The following GCM1 variants were observed in gnomAD, a reference collection of about 807,000 sequenced individuals.
GCM1 encodes the protein chorion-specific transcription factor GCMa.
GCM1 carries 2 observed loss-of-function variants against 25.7 expected under a neutral mutation model. The ratio of observed to expected loss-of-function variants is 0.08; its 90% CI spans 0.03 to 0.24. The LOEUF is 0.24. GCM1 is among the 10% of genes least tolerant of loss of function. The pLI is 1.00. For synonymous variants in GCM1, 183 were observed against 195.7 expected (o/e 0.94, Z 0.54); for missense variants, 395 against 538.7 (o/e 0.73, Z 2.64).
In GCM1 at chr6:53,127,079, A is replaced by G. The variant is rs567579921; in HGVS notation, c.*1127T>C. On this transcript the variant is annotated 3_prime_UTR_variant, in exon 6 of 6. Transcript: ENST00000259803. Reference sequence around the variant, plus strand: ...ACTGGCATTCAAACATGGCCGGCCAATCATTGCCAGGCTAATTGCACAAGA... The same window carrying G: ...ACTGGCATTCAAACATGGCCGGCCAGTCATTGCCAGGCTAATTGCACAAGA... The G allele has an allele frequency of 6.6e-6, 1 of 152,332 alleles. No homozygotes were observed. The highest frequency in any genetic ancestry group is 1.9e-4 in the East Asian group (1 of 5,188). 9.4% of individuals were successfully genotyped at this position (152,332 alleles called of 1,614,324 possible). A position where few individuals can be genotyped will look rare whatever the true frequency, so the allele number is the denominator to read the frequency against.
intron 5 of GCM1, among the ~76,000 whole-genome samples, chr6:53,129,966 C>A (rs1025062015): frequency 1.3e-5 from 2 of 152,090 alleles, no homozygotes; most frequent in African/African-American, 4.8e-5. Flanking sequence ...TAAGGGGATA[C>A]TTTTAGGGGG....
chr6:53,133,918 C>T lies in GCM1; in HGVS notation c.328+154G>A, dbSNP rs534805144. The stretch of plus-strand genomic sequence containing the variant: ...GGAGCACAAGGGATCTGGTTGGTTC[C>T]GCTCCATATGCTCCATGTCAGAACA... On this transcript the variant is annotated intron_variant, in intron 3 of 5. Coordinates refer to ENST00000259803, the MANE Select transcript of GCM1 (RefSeq NM_003643.4). Among the ~76,000 whole-genome samples the T allele has an allele frequency of 2.8e-4, 42 of 152,232 alleles. No homozygotes were observed. The South Asian group carries it at 4.8e-3, about 17-fold the overall frequency.
At chr6:53,129,327 C>A (rs966504300) in intron 5 of GCM1, among the ~76,000 whole-genome samples, 1 of 149,766 alleles carries the variant, frequency 6.7e-6, no homozygotes, top group Admixed American at 6.7e-5. Context: ...CAGGCTGGAG[C>A]GCAGTGGCAC....
intron 1 of GCM1, among the ~76,000 whole-genome samples, chr6:53,146,194 T>TTATATATATA (rs201484737): frequency 3.1e-4 from 31 of 100,928 alleles, no homozygotes; most frequent in African/African-American, 1.0e-3. Context: ...CATATATGTT[T>TTATATATATA]TATATATATA....
At chr6:53,148,178 G>C (rs1763992297) in intron 1 of GCM1, among the ~76,000 whole-genome samples, 1 of 152,154 alleles carries the variant, frequency 6.6e-6, no homozygotes, top group Non-Finnish European at 1.5e-5. Flanking sequence ...TTAAATAACA[G>C]GTATAGAAGA....
intron 2 of GCM1, among the ~76,000 whole-genome samples, chr6:53,134,925 TG>T (rs1217258149): frequency 1.3e-5 from 2 of 152,100 alleles, no homozygotes; most frequent in Non-Finnish European, 2.9e-5. Context: ...AGATAAGCAG[TG>T]GGAGGGATGA....
intron 5 of GCM1, 127 bp from the exon 6 acceptor site, chr6:53,129,073 T>C (rs538617127): frequency 2.8e-6 from 2 of 715,208 alleles, no homozygotes; most frequent in East Asian, 2.5e-5. Context: ...TACACATTAA[T>C]ACTTGACGCA....
chr6:53,129,223 G>A (rs1490786010), intron 5 of GCM1, among the ~76,000 whole-genome samples: 1 of 151,398 alleles, frequency 6.6e-6, no homozygotes, highest in Non-Finnish European at 1.5e-5. Flanking sequence ...TGTTTAAGAT[G>A]TTTCACACTC....
intron 2 of GCM1, among the ~76,000 whole-genome samples, chr6:53,136,001 G>A (rs1763793087): frequency 6.6e-6 from 1 of 152,226 alleles, no homozygotes; most frequent in Non-Finnish European, 1.5e-5. Flanking sequence ...GTGCTGTGAA[G>A]AGCAGATGTG....
Position 53,145,664 on chromosome 6 carries a change from A to G in GCM1, c.-32T>C, listed in dbSNP as rs1273015486. 8.1e-7 allele frequency: 1 copy of G among 1,230,978 alleles called. No homozygotes were observed. The highest frequency in any genetic ancestry group is 1.2e-6 in the Non-Finnish European group (1 of 832,982). The allele number at this position is 1,230,978 out of a possible 1,614,324, so 76.3% of individuals were successfully genotyped here. A position where few individuals can be genotyped will look rare whatever the true frequency, so the allele number is the denominator to read the frequency against. ...GTCAGGCCAGCCAAGGTTTTCACCT[A>G]TTCGACTCCCCTCAGAAATGCTTGA... On this transcript the variant is annotated 5_prime_UTR_variant, in exon 2 of 6. Transcript: ENST00000259803.
At position 53,128,479 on chromosome 6, in the gene GCM1, A is replaced by C; in HGVS notation, c.1038T>G (p.Pro346=). 2 of 1,614,146 alleles carry C rather than the reference A, an allele frequency of 1.2e-6. No homozygotes were observed. Among genetic ancestry groups the C allele is most frequent in the South Asian group, 1.1e-5 (1 of 91,082 alleles). ...PFYQQLPLEP[P]AAKTGCPPLW... ...ATGGGGGACAGCCAGTTTTGGCTGC[A>C]GGTGGCTCCAATGGAAGCTGCTGGT... Residue 346 remains proline (P), a synonymous_variant, in exon 6 of 6, where the codon CCT becomes CCG. Transcript: ENST00000259803.
At chr6:53,143,414 C>G (rs1763909106) in intron 2 of GCM1, among the ~76,000 whole-genome samples, 1 of 152,062 alleles carries the variant, frequency 6.6e-6, no homozygotes, top group Non-Finnish European at 1.5e-5. Flanking sequence ...GAAAAAATTG[C>G]CAGTTAAGAC....
intron 2 of GCM1, among the ~76,000 whole-genome samples, chr6:53,134,602 T>G (rs536784627): frequency 6.6e-6 from 1 of 152,306 alleles, no homozygotes; most frequent in South Asian, 2.1e-4. Flanking sequence ...TAGCCCTCAG[T>G]GACACAAGAA....
chr6:53,136,497 A>G (rs1763801710), intron 2 of GCM1, among the ~76,000 whole-genome samples: 1 of 152,200 alleles, frequency 6.6e-6, no homozygotes, highest in African/African-American at 2.4e-5. Flanking sequence ...AACATACACA[A>G]TGCACTTAAA....
At position 53,127,328 on chromosome 6, in the gene GCM1, G is replaced by A. The variant is rs534868524; in HGVS notation, c.*878C>T. 1 of 152,150 alleles carries A rather than the reference G, an allele frequency of 6.6e-6. No homozygotes were observed. The highest frequency in any genetic ancestry group is 2.1e-4 in the South Asian group (1 of 4,832). 9.4% of individuals were successfully genotyped at this position (152,150 alleles called of 1,614,324 possible). A position where few individuals can be genotyped will look rare whatever the true frequency, so the allele number is the denominator to read the frequency against. On this transcript the variant is annotated 3_prime_UTR_variant, in exon 6 of 6. Transcript: ENST00000259803. The stretch of plus-strand genomic sequence containing the variant: ...TTTATGAAAAATGGGGTTAGGTCAG[G>A]TTCCTTGTCATCACAAGTCTCAGAA...
chr6:53,135,523 C>T (rs1763785481), intron 2 of GCM1, among the ~76,000 whole-genome samples: 1 of 152,204 alleles, frequency 6.6e-6, no homozygotes, highest in Admixed American at 6.5e-5. Context: ...GTCACTGATG[C>T]TGTGGCTCAT....
rs777186773 is a variant in GCM1, at chr6:53,128,338, G to A, written c.1179C>T (p.Tyr393=). Residue 393 remains tyrosine, a synonymous_variant, in exon 6 of 6, where the codon TAC becomes TAT. Coordinates refer to ENST00000259803, the MANE Select transcript of GCM1 (RefSeq NM_003643.4). ...AATATTGCTGATGAGGATGAGAGGC[G>A]TAGGTGAAGAGAAAGGGGTCTTCTT... ...SPQEDPFLFT[Y]ASHPHQQYSL... 29 of 1,613,906 alleles carry A rather than the reference G, an allele frequency of 1.8e-5. No homozygotes were observed. Among genetic ancestry groups the A allele is most frequent in the Middle Eastern group, 1.6e-4 (1 of 6,084 alleles).
At chr6:53,130,478 C>T (rs866080557) in intron 5 of GCM1, among the ~76,000 whole-genome samples, 1 of 152,112 alleles carries the variant, frequency 6.6e-6, no homozygotes, top group South Asian at 2.1e-4. Flanking sequence ...CATAAGGCTA[C>T]TATTTTGTGG....
intron 3 of GCM1, among the ~76,000 whole-genome samples, chr6:53,133,418 C>G (rs1297236232): frequency 1.3e-5 from 2 of 151,926 alleles, no homozygotes; most frequent in Admixed American, 1.3e-4. Context: ...TCTTGAACTC[C>G]TGACCTCAGG....
Sources: gnomAD v4.1 joint callset for allele counts (sites outside exome capture counted in the v4.1 genomes callset) on GRCh38, gnomAD v4.1.1 for gene constraint, MANE v1.5 for transcripts, NCBI Gene and HGNC (gene_info 2026-07-23, HGNC 2026-07-21) for gene names.